ACSS3: variants seen among roughly 807,000 people sequenced by gnomAD.
ACSS3 encodes the protein acyl-CoA synthetase short chain family member 3.
In ACSS3, 64 loss-of-function variants were observed where a neutral mutation model predicts 84.2. The observed-to-expected ratio is 0.76, with a 90% CI of 0.62 to 0.94. ACSS3 has a LOEUF of 0.94. Among genes scored for constraint, ACSS3 ranks in the 40% least tolerant of loss-of-function variants. The probability of loss-of-function intolerance (pLI) is 0.00; values close to 1 mark genes in which losing one functional copy is unlikely to be tolerated. For synonymous variants in ACSS3, 317 were observed against 310.1 expected (o/e 1.02, Z -0.23); for missense variants, 815 against 867.6 (o/e 0.94, Z 0.76).
chr12:81,237,689 G>T (rs1185498397), intron 13 of ACSS3, among the ~76,000 whole-genome samples: 1 of 151,596 alleles, frequency 6.6e-6, no homozygotes, highest in Non-Finnish European at 1.5e-5. Flanking sequence ...CACTTTCTGT[G>T]GACTGTGGTT....
chr12:81,088,572 A>G (rs2121312929), intron 1 of ACSS3, among the ~76,000 whole-genome samples: 1 of 152,146 alleles, frequency 6.6e-6, no homozygotes, highest in East Asian at 1.9e-4. Flanking sequence ...TAATATTTAT[A>G]ACAACTCTGT....
chr12:81,175,238 T>G (rs1851731649), intron 8 of ACSS3, among the ~76,000 whole-genome samples: 1 of 152,162 alleles, frequency 6.6e-6, no homozygotes, highest in Admixed American at 6.5e-5. Flanking sequence ...TGACTTAAAA[T>G]GCACAGATAG....
At chr12:81,179,271 C>CAAAAAAAAAAAAAAAAAACAA (rs71098127) in intron 8 of ACSS3, among the ~76,000 whole-genome samples, 1 of 66,782 alleles carries the variant, frequency 1.5e-5, no homozygotes, top group Non-Finnish European at 2.7e-5. Context: ...AAGTAATTGC[C>CAAAAAAAAAAAAAAAAAACAA]AAAAAAAAAA....
chr12:81,159,198 A>G (rs761147288), intron 7 of ACSS3, among the ~76,000 whole-genome samples: 1 of 152,224 alleles, frequency 6.6e-6, no homozygotes, highest in African/African-American at 2.4e-5. Context: ...ATTTAAATAC[A>G]GAACACCTGT....
At chr12:81,103,375 G>A (rs754316193) in intron 1 of ACSS3, among the ~76,000 whole-genome samples, 4 of 152,146 alleles carry the variant, frequency 2.6e-5, no homozygotes, top group Non-Finnish European at 4.4e-5. Flanking sequence ...AATTTAGAAG[G>A]AACAGTAGAG....
chr12:81,232,677 A>T (rs2033504780), intron 12 of ACSS3, among the ~76,000 whole-genome samples: 1 of 151,794 alleles, frequency 6.6e-6, no homozygotes, highest in South Asian at 2.1e-4. Flanking sequence ...TGAGTCTCAG[A>T]AAGTCTAAGA....
chr12:81,227,423 A>ACACACACG (rs56325395), intron 11 of ACSS3, among the ~76,000 whole-genome samples: 1 of 150,394 alleles, frequency 6.6e-6, no homozygotes, highest in Non-Finnish European at 1.5e-5. Context: ...ACACACACAC[A>ACACACACG]AGTGTTGATT....
intron 3 of ACSS3, among the ~76,000 whole-genome samples, chr12:81,136,545 A>G (rs1235871318): frequency 6.6e-6 from 1 of 152,108 alleles, no homozygotes; most frequent in Non-Finnish European, 1.5e-5. Context: ...TTTGAGTTAG[A>G]TCTTGGCTAA....
intron 11 of ACSS3, among the ~76,000 whole-genome samples, chr12:81,229,009 A>G (rs2033365840): frequency 6.6e-6 from 1 of 151,832 alleles, no homozygotes; most frequent in Admixed American, 6.6e-5. Context: ...ACTAAGAAAC[A>G]GCTGTTCCCC....
chr12:81,171,596 G>C (rs1031340575), intron 7 of ACSS3, among the ~76,000 whole-genome samples: 2 of 152,066 alleles, frequency 1.3e-5, no homozygotes, highest in Non-Finnish European at 2.9e-5. Flanking sequence ...TATTCTAATA[G>C]TAATGCTACA....
intron 8 of ACSS3, among the ~76,000 whole-genome samples, chr12:81,184,519 A>G (rs1262542523): frequency 1.3e-5 from 2 of 151,856 alleles, no homozygotes; most frequent in Admixed American, 6.6e-5. Flanking sequence ...AAGAACAACA[A>G]AATTTACAAA....
chr12:81,083,700 A>T (rs1231380696), intron 1 of ACSS3, among the ~76,000 whole-genome samples: 1 of 151,844 alleles, frequency 6.6e-6, no homozygotes, highest in Non-Finnish European at 1.5e-5. Flanking sequence ...GGCAGGGCGC[A>T]GCAGCTCACG....
intron 7 of ACSS3, among the ~76,000 whole-genome samples, chr12:81,155,760 T>A (rs1386730541): frequency 6.6e-6 from 1 of 152,230 alleles, no homozygotes; most frequent in Non-Finnish European, 1.5e-5. Context: ...ATTCTATGTT[T>A]TGGCTTCTGA....
intron 13 of ACSS3, among the ~76,000 whole-genome samples, chr12:81,240,915 C>T (rs1410444940): frequency 6.6e-6 from 1 of 151,996 alleles, no homozygotes; most frequent in Non-Finnish European, 1.5e-5. Flanking sequence ...ATACATGTGA[C>T]ATGCTGGTGC....
intron 10 of ACSS3, among the ~76,000 whole-genome samples, chr12:81,218,775 C>A (rs933466419): frequency 6.6e-6 from 1 of 152,146 alleles, no homozygotes; most frequent in Middle Eastern, 3.4e-3. Flanking sequence ...GTTAAGCTTT[C>A]TTCCCTCATG....
rs1399680166 is a variant in ACSS3, at chr12:81,174,851, G to A, written c.1162G>A (p.Ala388Thr). 1 of 1,613,994 alleles carries A rather than the reference G, an allele frequency of 6.2e-7. No homozygotes were observed. The highest frequency in any genetic ancestry group is 2.2e-5 in the East Asian group (1 of 44,860). Residue 388 changes from alanine (A) to threonine (T), a missense_variant, in exon 8 of 16, where the codon GCT (alanine) becomes ACT (threonine). Transcript: ENST00000548058. ...YFRVLAEHGV[A>T]ALFTAPTAIR... ...CCGTGTGCTTGCAGAGCATGGAGTA[G>A]CTGCCTTGTTTACAGCACCAACTGC...
chr12:81,249,692 A>G (rs893957728), intron 13 of ACSS3, among the ~76,000 whole-genome samples: 2 of 151,630 alleles, frequency 1.3e-5, no homozygotes, highest in East Asian at 1.9e-4. Context: ...GAGTATTCAC[A>G]TGAATATTGA....
At chr12:81,112,199 T>C (rs1159104677) in intron 2 of ACSS3, among the ~76,000 whole-genome samples, 1 of 152,206 alleles carries the variant, frequency 6.6e-6, no homozygotes, top group Non-Finnish European at 1.5e-5. Flanking sequence ...GTGCCTGTGA[T>C]TTTGGCATGT....
intron 15 of ACSS3, 102 bp from the exon 16 acceptor site, chr12:81,254,755 C>T: frequency 2.2e-6 from 2 of 910,234 alleles, no homozygotes; most frequent in Admixed American, 5.5e-5. Context: ...ATGAATATTA[C>T]AAGACAATGG....
Sources: gnomAD v4.1 joint callset for allele counts (sites outside exome capture counted in the v4.1 genomes callset) on GRCh38, gnomAD v4.1.1 for gene constraint, MANE v1.5 for transcripts, NCBI Gene and HGNC (gene_info 2026-07-23, HGNC 2026-07-21) for gene names.